The following CD96 variants were observed in gnomAD, a reference collection of about 807,000 sequenced individuals.
CD96 encodes the protein T-cell surface protein tactile.
CD96 carries 70 observed loss-of-function variants against 71.3 expected under a neutral mutation model. The ratio of observed to expected loss-of-function variants is 0.98; its 90% CI spans 0.81 to 1.20. The LOEUF (loss-of-function observed/expected upper bound fraction) is 1.20, where lower values mean the gene tolerates loss of function less well. Among genes scored for constraint, CD96 ranks in the 50% most tolerant of loss-of-function variants. CD96 has a pLI of 0.00. For synonymous variants in CD96, 248 were observed against 233.0 expected (o/e 1.06, Z -0.59); for missense variants, 742 against 677.5 (o/e 1.10, Z -1.06).
intron 2 of CD96, among the ~76,000 whole-genome samples, chr3:111,561,752 CG>C (rs1175178479): frequency 2.8e-5 from 4 of 141,696 alleles, no homozygotes; most frequent in African/African-American, 1.0e-4. Flanking sequence ...TCGAGCTTCC[CG>C]GCTGCTTTGT....
chr3:111,552,951 A>G (rs1420387037), intron 2 of CD96, among the ~76,000 whole-genome samples: 1 of 152,144 alleles, frequency 6.6e-6, no homozygotes, highest in African/African-American at 2.4e-5. Flanking sequence ...TACAACTTCA[A>G]CAATTATCAA....
intron 12 of CD96, among the ~76,000 whole-genome samples, chr3:111,641,173 C>T (rs1437096609): frequency 6.6e-6 from 1 of 152,132 alleles, no homozygotes; most frequent in Non-Finnish European, 1.5e-5. Flanking sequence ...TGTAAATGGC[C>T]TAAATGTTCC....
intron 3 of CD96, among the ~76,000 whole-genome samples, chr3:111,570,412 C>G (rs1406591801): frequency 6.6e-6 from 1 of 152,116 alleles, no homozygotes; most frequent in Non-Finnish European, 1.5e-5. Flanking sequence ...CCTTCCCCAC[C>G]TCCTGCCTCA....
intron 4 of CD96, among the ~76,000 whole-genome samples, chr3:111,585,119 T>C (rs1388991601): frequency 1.3e-5 from 2 of 152,176 alleles, no homozygotes; most frequent in African/African-American, 4.8e-5. Flanking sequence ...ACAGTGAATA[T>C]TATTTGTCCA....
At chr3:111,635,282 C>T (rs564679861) in intron 10 of CD96, among the ~76,000 whole-genome samples, 3 of 152,308 alleles carry the variant, frequency 2.0e-5, no homozygotes, top group African/African-American at 7.2e-5. Flanking sequence ...TTCTTCACCT[C>T]TCTCACCATA....
At position 111,658,265 on chromosome 3, in the gene CD96, A is replaced by G. The variant is rs531116612; in HGVS notation, c.*53-7262A>G. On this transcript the variant is annotated intron_variant and NMD_transcript_variant, in intron 14 of 14. Transcript: ENST00000494798. ...ACTATCGATATAGTTAAGTATATTA[A>G]TGAGTTAGAAACCATTGAGAAAAGC... 4.6e-5 allele frequency among the ~76,000 whole-genome samples: 7 copies of G among 152,316 alleles called. 1 individual carries two copies. The highest frequency in any genetic ancestry group is 1.7e-4 in the African/African-American group (7 of 41,568).
rs1576408615 is a variant in CD96, at chr3:111,627,044, T to C, written c.1321+2640T>C. Among the ~76,000 whole-genome samples, 3 of 152,228 alleles carry C rather than the reference T, an allele frequency of 2.0e-5. No homozygotes were observed. In the South Asian group the frequency reaches 6.2e-4, roughly 32 times the overall value. ...GTACATGAGTAGGAGTGAGAGGGTA[T>C]TAAGAGGGTGAAAAATATGTTCAGT... On this transcript the variant is annotated intron_variant, in intron 10 of 13. Coordinates refer to ENST00000352690, the MANE Select transcript of CD96 (RefSeq NM_005816.5).
intron 10 of CD96, among the ~76,000 whole-genome samples, chr3:111,631,875 G>T (rs952273245): frequency 5.3e-5 from 8 of 152,162 alleles, no homozygotes; most frequent in Admixed American, 5.2e-4. Flanking sequence ...CAAGCAATGA[G>T]AAAAGGATTC....
chr3:111,606,834 G>A (rs773113697), intron 8 of CD96, 42 bp downstream of exon 8: 2 of 1,108,514 alleles, frequency 1.8e-6, no homozygotes, highest in Non-Finnish European at 2.8e-6. Flanking sequence ...TAACCAAGCA[G>A]ATTGATAACG....
chr3:111,605,393 A>G (rs1937594880), intron 7 of CD96, among the ~76,000 whole-genome samples: 2 of 152,226 alleles, frequency 1.3e-5, no homozygotes, highest in African/African-American at 2.4e-5. Flanking sequence ...TTGGGTTGAA[A>G]TATTGCTTAT....
At chr3:111,638,273 C>G (rs895202819) in intron 12 of CD96, 105 bp downstream of exon 12, 2 of 783,666 alleles carry the variant, frequency 2.6e-6, no homozygotes, top group Non-Finnish European at 4.7e-6. Context: ...GTTGGATATA[C>G]AGTGAACACA....
At chr3:111,591,014 A>G (rs1936952985) in intron 5 of CD96, among the ~76,000 whole-genome samples, 2 of 152,356 alleles carry the variant, frequency 1.3e-5, no homozygotes, top group African/African-American at 4.8e-5. Flanking sequence ...AACATAGGAA[A>G]CAAAAGCAGT....
intron 10 of CD96, among the ~76,000 whole-genome samples, chr3:111,630,639 T>A (rs912921680): frequency 2.0e-5 from 3 of 152,140 alleles, no homozygotes; most frequent in African/African-American, 7.2e-5. Context: ...AAGAAGGAAA[T>A]GCTTCCTAAC....
chr3:111,594,163 C>T (rs1937142358), intron 5 of CD96: 6 of 1,609,956 alleles, frequency 3.7e-6, no homozygotes, highest in Non-Finnish European at 5.1e-6. Flanking sequence ...TTGCCTTCAT[C>T]ATTGTTCCCT....
intron 8 of CD96, among the ~76,000 whole-genome samples, chr3:111,609,161 A>G (rs1937778404): frequency 6.6e-6 from 1 of 152,232 alleles, no homozygotes; most frequent in African/African-American, 2.4e-5. Context: ...GTGCAGTGAC[A>G]AAGATGTTTA....
intron 8 of CD96, among the ~76,000 whole-genome samples, chr3:111,612,597 C>T (rs954050440): frequency 3.3e-5 from 5 of 152,160 alleles, no homozygotes; most frequent in Non-Finnish European, 5.9e-5. Context: ...TACTGAGGCA[C>T]AAAGAGGTTA....
chr3:111,577,264 C>A (rs1024645687), intron 3 of CD96, among the ~76,000 whole-genome samples: 5 of 152,216 alleles, frequency 3.3e-5, no homozygotes, highest in Non-Finnish European at 5.9e-5. Flanking sequence ...GACCAAGGAG[C>A]ATTTTCAACT....
chr3:111,561,882 C>T (rs1306675819), intron 2 of CD96, among the ~76,000 whole-genome samples: 1 of 151,246 alleles, frequency 6.6e-6, no homozygotes, highest in East Asian at 1.9e-4. Context: ...GTAGGACCCT[C>T]CGAGCCAGGT....
intron 3 of CD96, chr3:111,570,530 G>A (rs1311370710): frequency 1.9e-6 from 2 of 1,074,014 alleles, no homozygotes; most frequent in Non-Finnish European, 2.7e-6. Flanking sequence ...GGACGCATGT[G>A]TGTTAACTGA....
Sources: gnomAD v4.1 joint callset for allele counts (sites outside exome capture counted in the v4.1 genomes callset) on GRCh38, gnomAD v4.1.1 for gene constraint, MANE v1.5 for transcripts, NCBI Gene and HGNC (gene_info 2026-07-23, HGNC 2026-07-21) for gene names.